Variants in DLG2 observed in about 807,000 individuals in gnomAD.
The protein encoded by DLG2 is disks large homolog 2.
In DLG2, 45 loss-of-function variants were observed where a neutral mutation model predicts 132.5. The observed-to-expected ratio is 0.34, with a 90% confidence interval of 0.27 to 0.44. The LOEUF is 0.44. Ranked by LOEUF, DLG2 falls within the 20% of genes least tolerant of loss-of-function variation. The probability of loss-of-function intolerance (pLI) is 1.00; values close to 1 mark genes in which losing one functional copy is unlikely to be tolerated. For missense variants in DLG2, 1,045 were observed against 1,196.9 expected, an observed-to-expected ratio of 0.87 and a Z score of 1.87; for synonymous variants, 424 against 419.6, an observed-to-expected ratio of 1.01 and a Z score of -0.13.
At chr11:84,944,605 ATTT>A (rs60502429) in intron 6 of DLG2, among the ~76,000 whole-genome samples, 2 of 133,882 alleles carry the variant, frequency 1.5e-5, no homozygotes, top group Non-Finnish European at 3.1e-5. Flanking sequence ...GTCTCTGTTA[ATTT>A]TTTTTTTTTT....
chr11:83,455,157 G>C (rs2135791991), downstream of DLG2: 1 of 152,738 alleles, frequency 6.5e-6, no homozygotes, highest in East Asian at 1.9e-4. Context: ...GACACACTGA[G>C]TATGAAATAT....
chr11:83,733,641 T>C (rs1352549632), intron 18 of DLG2, among the ~76,000 whole-genome samples: 1 of 152,198 alleles, frequency 6.6e-6, no homozygotes, highest in East Asian at 1.9e-4. Flanking sequence ...TCTTCTGGCT[T>C]CTTCCTCCTC....
At chr11:85,038,458 T>C (rs1458087751) in intron 6 of DLG2, among the ~76,000 whole-genome samples, 2 of 152,028 alleles carry the variant, frequency 1.3e-5, no homozygotes, top group East Asian at 1.9e-4. Flanking sequence ...TTGTGAGAAA[T>C]ACTCCGTTTA....
chr11:84,421,169 A>G (rs2098949557), intron 7 of DLG2, among the ~76,000 whole-genome samples: 1 of 152,114 alleles, frequency 6.6e-6, no homozygotes, highest in Admixed American at 6.5e-5. Context: ...CCAGGAAGTG[A>G]GCTCTCACCA....
intron 3 of DLG2, among the ~76,000 whole-genome samples, chr11:85,529,491 T>A (rs1439080925): frequency 6.6e-6 from 1 of 152,146 alleles, no homozygotes; most frequent in Admixed American, 6.6e-5. Flanking sequence ...TCCTATGGCA[T>A]CTAGTAGTCA....
intron 3 of DLG2, among the ~76,000 whole-genome samples, chr11:85,455,922 A>G (rs2092407007): frequency 6.6e-6 from 1 of 152,040 alleles, no homozygotes; most frequent in South Asian, 2.1e-4. Context: ...TCAGTTTGCT[A>G]CTATTTTGTT....
At chr11:84,779,718 A>G (rs1314791436) in intron 6 of DLG2, among the ~76,000 whole-genome samples, 3 of 152,170 alleles carry the variant, frequency 2.0e-5, no homozygotes, top group Non-Finnish European at 2.9e-5. Flanking sequence ...CCACAGAAAC[A>G]TGAAAGTTCA....
intron 6 of DLG2, among the ~76,000 whole-genome samples, chr11:84,728,494 G>A (rs1239629684): frequency 1.3e-5 from 2 of 152,134 alleles, no homozygotes; most frequent in Non-Finnish European, 2.9e-5. Flanking sequence ...TGGTTTGCCA[G>A]TATTTTATTG....
intron 6 of DLG2, among the ~76,000 whole-genome samples, chr11:84,928,980 G>GTATATATATATA (rs1385905913): frequency 2.0e-4 from 8 of 40,252 alleles, no homozygotes; most frequent in African/African-American, 6.4e-4. Flanking sequence ...GTGTGTGTGT[G>GTATATATATATA]TGTATATATA....
intron 19 of DLG2, among the ~76,000 whole-genome samples, chr11:83,577,208 G>A (rs2096886788): frequency 6.6e-6 from 1 of 151,920 alleles, no homozygotes; most frequent in African/African-American, 2.4e-5. Flanking sequence ...AAGTTCTTCA[G>A]TTTTGGGACT....
chr11:85,295,109 G>T (rs2079137077), intron 3 of DLG2, among the ~76,000 whole-genome samples: 1 of 152,066 alleles, frequency 6.6e-6, no homozygotes. Context: ...CAGGAGGTGT[G>T]TCTTATTCTA....
intron 3 of DLG2, among the ~76,000 whole-genome samples, chr11:85,502,751 G>A (rs150680550): frequency 8.9e-4 from 135 of 152,100 alleles, no homozygotes; most frequent in African/African-American, 3.1e-3. Context: ...AAACCACCAT[G>A]GCACACATAT....
chr11:84,750,967 G>T (rs375683127), intron 6 of DLG2, among the ~76,000 whole-genome samples: 8 of 152,086 alleles, frequency 5.3e-5, no homozygotes, highest in African/African-American at 1.9e-4. Flanking sequence ...AGGCATTGAG[G>T]TATCCTATTA....
At chr11:84,532,735 G>A (rs1591714432) in intron 7 of DLG2, among the ~76,000 whole-genome samples, 1 of 152,102 alleles carries the variant, frequency 6.6e-6, no homozygotes, top group African/African-American at 2.4e-5. Flanking sequence ...GGGATCAGCG[G>A]TCCTCCCACC....
rs188547268 is a variant in DLG2 at position 84,756,513 on chromosome 11, G to A, written c.358-221782C>T. 2.6e-5 allele frequency among the ~76,000 whole-genome samples: 4 copies of A among 152,238 alleles called. No individual in the cohort carries two copies. The East Asian group carries it at 7.7e-4, about 29-fold the overall frequency. ...CATCTCTAGTTCTACCACTTTCTAG[G>A]TGTGTTCAATTGGGTAAATTGCTTA... is the stretch of plus-strand genomic sequence containing the variant. On this transcript the variant is annotated intron_variant, in intron 6 of 27. Transcript: ENST00000376104.
At chr11:83,505,213 T>C (rs1395545452) in intron 21 of DLG2, among the ~76,000 whole-genome samples, 1 of 152,200 alleles carries the variant, frequency 6.6e-6, no homozygotes, top group Non-Finnish European at 1.5e-5. Context: ...ATATATAACC[T>C]GCCACCAGGT....
intron 5 of DLG2, among the ~76,000 whole-genome samples, chr11:85,128,241 A>G (rs1034713069): frequency 1.3e-5 from 2 of 152,180 alleles, no homozygotes; most frequent in South Asian, 2.1e-4. Context: ...TTTCAAATGT[A>G]TAAGTATGGT....
At position 84,289,659 on chromosome 11, in the gene DLG2, T is replaced by C. The variant is rs2097959048; in HGVS notation, c.520-38368A>G. On this transcript the variant is annotated intron_variant, in intron 7 of 27. Coordinates refer to ENST00000376104, the MANE Select transcript of DLG2 (RefSeq NM_001142699.3). ...TACAGTCTAACCTCCTGAAGCCTAG[T>C]AGAGAAAGAGAGGATTCCTAGGCAA... 2.0e-5 allele frequency among the ~76,000 whole-genome samples: 3 copies of C among 152,080 alleles called. No homozygotes were observed. The South Asian group carries it at 6.2e-4, about 32-fold the overall frequency.
At chr11:84,163,388 AC>A (rs1407808126) in intron 9 of DLG2, 72 bp downstream of exon 9, 16 of 1,348,128 alleles carry the variant, frequency 1.2e-5, no homozygotes, top group Non-Finnish European at 1.6e-5. Context: ...ATTTCACAAG[AC>A]AACTCATTAA....
Sources: allele counts gnomAD v4.1 joint callset (sites outside exome capture counted in the v4.1 genomes callset), GRCh38; gene constraint gnomAD v4.1.1; transcripts MANE v1.5; gene names NCBI Gene and HGNC (gene_info 2026-07-23, HGNC 2026-07-21).